Variants in VWF observed in about 807,000 individuals in gnomAD.
VWF encodes the protein von Willebrand factor.
Under a neutral mutation model 308.6 loss-of-function variants are expected in VWF, and 176 were observed. That is an observed-to-expected ratio of 0.57 (90% CI 0.50 to 0.65). The LOEUF (loss-of-function observed/expected upper bound fraction) is 0.65. Among genes scored for constraint, VWF ranks in the 30% least tolerant of loss-of-function variants. VWF has a pLI of 0.00. For missense variants in VWF, 3,146 were observed against 3,648.2 expected, an observed-to-expected ratio of 0.86 and a Z score of 3.55; for synonymous variants, 1,385 against 1,443.4, an observed-to-expected ratio of 0.96 and a Z score of 0.92.
intron 21 of VWF, 91 bp downstream of exon 21, chr12:6,031,353 C>T: frequency 6.2e-7 from 1 of 1,604,136 alleles, no homozygotes; most frequent in Non-Finnish European, 8.5e-7. Flanking sequence ...ATTCCATTCA[C>T]ACGAGCTCTA....
chr12:6,073,280 T>A lies in VWF; in HGVS notation c.997+339A>T, dbSNP rs535572115. On this transcript the variant is annotated intron_variant, in intron 8 of 51. Coordinates refer to ENST00000261405, the MANE Select transcript of VWF (RefSeq NM_000552.5). ...GAGCTCACATGACAAACCCAGGAGA[T>A]CTTTTTCCCAGATCGGTTCCCTGAC... 2.0e-5 allele frequency among the ~76,000 whole-genome samples: 3 copies of A among 152,266 alleles called. No homozygotes were observed. The South Asian group carries it at 6.2e-4, about 32-fold the overall frequency.
chr12:6,079,058 T>C (rs2136478781), intron 6 of VWF, among the ~76,000 whole-genome samples: 1 of 152,362 alleles, frequency 6.6e-6, no homozygotes, highest in South Asian at 2.1e-4. Context: ...CTAGGGTTTC[T>C]TTCTTAGCAG....
At chr12:6,061,560 G>A (rs531426203) in intron 13 of VWF, among the ~76,000 whole-genome samples, 3 of 151,706 alleles carry the variant, frequency 2.0e-5, no homozygotes, top group South Asian at 2.1e-4. Flanking sequence ...GATGGAGGAC[G>A]CCAGGATCTC....
At chr12:5,965,766 A>G (rs893424572) in intron 47 of VWF, among the ~76,000 whole-genome samples, 1 of 152,190 alleles carries the variant, frequency 6.6e-6, no homozygotes, top group Admixed American at 6.5e-5. Flanking sequence ...TCGTGGCAGA[A>G]GACGTAGTAA....
intron 47 of VWF, among the ~76,000 whole-genome samples, chr12:5,954,513 A>C (rs187428966): frequency 1.3e-5 from 2 of 152,334 alleles, no homozygotes; most frequent in Admixed American, 6.5e-5. Context: ...TCTGTATGGC[A>C]CTGGACAGCC....
intron 6 of VWF, among the ~76,000 whole-genome samples, chr12:6,087,362 T>C (rs1025670547): frequency 6.9e-6 from 1 of 145,182 alleles, no homozygotes; most frequent in African/African-American, 2.6e-5. Context: ...CTCTTTTTTT[T>C]TTTTTTTTTT....
At chr12:5,954,481 A>G (rs1169452134) in intron 47 of VWF, among the ~76,000 whole-genome samples, 2 of 152,218 alleles carry the variant, frequency 1.3e-5, no homozygotes, top group Non-Finnish European at 2.9e-5. Context: ...TCATGTTTAA[A>G]TGGCTTTTCC....
chr12:6,016,255 G>A (rs780724104), intron 30 of VWF, 23 bp from the exon 31 acceptor site: 11 of 1,614,172 alleles, frequency 6.8e-6, no homozygotes, highest in East Asian at 6.7e-5. Context: ...AACAGATCAC[G>A]CCAAGTCAGT....
chr12:5,991,851 G>C lies in VWF; in HGVS notation c.6766C>G (p.Gln2256Glu). The C allele has an allele frequency of 6.2e-7, 1 of 1,614,208 alleles. No homozygotes were observed. The highest frequency in any genetic ancestry group is 1.7e-5 in the Admixed American group (1 of 60,024). Reference sequence around the variant, plus strand: ...TGGACTCCATCCTCACCAATGCACTGAGTGCAGGCCTCTTCAGGGACACAG... The same window carrying C: ...TGGACTCCATCCTCACCAATGCACTCAGTGCAGGCCTCTTCAGGGACACAG... ...GSCVPEEACT[Q>E]CIGEDGVQHQ... Residue 2256 changes from glutamine to glutamate, a missense_variant, in exon 38 of 52, where the codon CAG (glutamine) becomes GAG (glutamate). This residue lies in a region of VWF where 989 missense variants were observed against 1,117.4 expected (regional missense o/e 0.89). Transcript: ENST00000261405.
At chr12:6,083,742 A>G (rs1270278357) in intron 6 of VWF, among the ~76,000 whole-genome samples, 9 of 152,154 alleles carry the variant, frequency 5.9e-5, no homozygotes, top group East Asian at 5.8e-4. Flanking sequence ...GCTGCTAGGA[A>G]TAAGATTCCA....
chr12:5,993,424 A>G (rs1943766439), intron 37 of VWF, among the ~76,000 whole-genome samples: 1 of 152,156 alleles, frequency 6.6e-6, no homozygotes, highest in Admixed American at 6.5e-5. Context: ...CTGCTCAGGC[A>G]TGGACTACAC....
At chr12:6,071,201 C>A (rs1481720763) in intron 10 of VWF, 96 bp downstream of exon 10, 1 of 1,473,692 alleles carries the variant, frequency 6.8e-7, no homozygotes, top group Non-Finnish European at 9.4e-7. Flanking sequence ...CAACTTCTCG[C>A]TGCCTTGAGT....
intron 18 of VWF, among the ~76,000 whole-genome samples, chr12:6,040,625 C>T (rs1302562744): frequency 6.6e-6 from 1 of 152,192 alleles, no homozygotes; most frequent in Non-Finnish European, 1.5e-5. Context: ...GGATTCAAAC[C>T]TGGAAGTGTG....
Position 6,011,715 on chromosome 12 carries a change from T to A in VWF, c.5744A>T (p.His1915Leu), listed in dbSNP as rs532551665. Residue 1915 changes from histidine (H) to leucine (L), a missense_variant, in exon 34 of 52, where the codon CAT (histidine) becomes CTT (leucine). Physicochemically the swap from His to Leu is moderately conservative, Grantham distance 99. Transcript: ENST00000261405. ...QPDGQTLLKS[H>L]RVNCDRGLRP... ...CAGCCCCCGGTCACAGTTGACCCGA[T>A]GACTCTTCAGCAAGGTCTGGCCATC... 1 of 1,613,890 alleles carries A rather than the reference T, an allele frequency of 6.2e-7. No homozygotes were observed. Among genetic ancestry groups the A allele is most frequent in the African/African-American group, 1.3e-5 (1 of 75,040 alleles).
chr12:5,981,192 G>A (rs1943600806), intron 42 of VWF, among the ~76,000 whole-genome samples: 1 of 152,144 alleles, frequency 6.6e-6, no homozygotes, highest in South Asian at 2.1e-4. Flanking sequence ...TGGATGGGTG[G>A]ATAGATGGAT....
intron 20 of VWF, among the ~76,000 whole-genome samples, chr12:6,032,972 T>TCA (rs1346491329): frequency 1.3e-5 from 2 of 148,660 alleles, no homozygotes; most frequent in South Asian, 4.3e-4. Flanking sequence ...TCATACACAG[T>TCA]CACACACACG....
intron 34 of VWF, 40 bp downstream of exon 34, chr12:6,011,577 C>T: frequency 6.5e-7 from 1 of 1,548,530 alleles, no homozygotes; most frequent in Non-Finnish European, 8.8e-7. Context: ...AAAGCACTGC[C>T]CCTTTGACGC....
chr12:6,040,064 C>T (rs2136435771), intron 18 of VWF, among the ~76,000 whole-genome samples: 1 of 152,278 alleles, frequency 6.6e-6, no homozygotes, highest in East Asian at 1.9e-4. Context: ...CCTCAGTCTC[C>T]TCCCGTGTGA....
chr12:6,056,720 G>A (rs779096526), intron 15 of VWF, 137 bp downstream of exon 15: 15 of 745,882 alleles, frequency 2.0e-5, no homozygotes, highest in Non-Finnish European at 2.8e-5. Flanking sequence ...CAAATGAACC[G>A]TCCTCCCCAC....
Sources: gnomAD v4.1 joint callset for allele counts (sites outside exome capture counted in the v4.1 genomes callset) on GRCh38, gnomAD v4.1.1 for gene constraint, gnomAD v4.1.1 regional missense constraint, MANE v1.5 for transcripts, NCBI Gene and HGNC (gene_info 2026-07-23, HGNC 2026-07-21) for gene names.